Variants in TRPC4AP observed in about 807,000 individuals in gnomAD.
TRPC4AP encodes short transient receptor potential channel 4-associated protein.
TRPC4AP carries 45 observed loss-of-function variants against 99.0 expected under a neutral mutation model. That is an observed-to-expected ratio of 0.45 (90% CI 0.36 to 0.58). The LOEUF is 0.58. Among genes scored for constraint, TRPC4AP ranks in the 20% least tolerant of loss-of-function variants. The pLI is 0.00. For missense variants in TRPC4AP, 879 were observed against 985.3 expected, an observed-to-expected ratio of 0.89 and a Z score of 1.44; for synonymous variants, 408 against 385.8, an observed-to-expected ratio of 1.06 and a Z score of -0.67.
At chr20:35,091,535 C>A (rs2085066599) in intron 1 of TRPC4AP, among the ~76,000 whole-genome samples, 1 of 152,190 alleles carries the variant, frequency 6.6e-6, no homozygotes, top group Admixed American at 6.5e-5. Flanking sequence ...CTCCCACCAA[C>A]CACTTTATCA....
In TRPC4AP at chr20:35,010,180, C is replaced by T. The variant is rs1265942462; in HGVS notation, c.1511+7G>A. The T allele has an allele frequency of 6.2e-7, 1 of 1,613,570 alleles. No homozygotes were observed. Among genetic ancestry groups the T allele is most frequent in the East Asian group, 2.2e-5 (1 of 44,888 alleles). ...GGCTGAGGGAAAAGCTGCACCCCTG[C>T]ACTCACCTGTCGGTGTTGAGGACAG... On this transcript the variant is annotated splice_region_variant and intron_variant, in intron 12 of 18. Coordinates refer to ENST00000252015, the MANE Select transcript of TRPC4AP (RefSeq NM_015638.3).
intron 2 of TRPC4AP, among the ~76,000 whole-genome samples, chr20:35,074,595 A>T (rs1245304323): frequency 3.3e-5 from 5 of 152,210 alleles, no homozygotes; most frequent in Admixed American, 3.3e-4. Flanking sequence ...TGAGTTTCTT[A>T]ATCCTGAGTT....
rs200161670 is a variant in TRPC4AP at position 35,039,793 on chromosome 20, AG to A, written c.866-4486del. 5.0e-4 allele frequency among the ~76,000 whole-genome samples: 76 copies of A among 152,262 alleles called. 3 individuals carry two copies. In the East Asian group the frequency reaches 0.015, roughly 29 times the overall value. ...ACCAGCTGTTCTCTTCTAAATCGAC[AG>A]AAGAACAACTGGTAGTTCTGAGAAT... On this transcript the variant is annotated intron_variant, in intron 7 of 18. Transcript: ENST00000252015.
chr20:35,059,442 T>C (rs1056246379), intron 3 of TRPC4AP, among the ~76,000 whole-genome samples: 4 of 152,106 alleles, frequency 2.6e-5, no homozygotes. Context: ...GGAGGACTGA[T>C]TGAAGCCAGA....
chr20:35,050,158 C>T (rs1030016489), intron 5 of TRPC4AP, among the ~76,000 whole-genome samples, 164 bp from the exon 6 acceptor site: 21 of 152,186 alleles, frequency 1.4e-4, no homozygotes, highest in Non-Finnish European at 2.6e-4. Flanking sequence ...CTCGTTAACT[C>T]CCCAGCTATG....
intron 8 of TRPC4AP, among the ~76,000 whole-genome samples, chr20:35,024,632 T>C (rs2082975534): frequency 2.0e-5 from 3 of 151,882 alleles, no homozygotes; most frequent in African/African-American, 7.3e-5. Flanking sequence ...GAGACCAGCT[T>C]GGGCAACACA....
intron 2 of TRPC4AP, among the ~76,000 whole-genome samples, chr20:35,074,493 G>A (rs1033645865): frequency 7.9e-5 from 12 of 152,172 alleles, no homozygotes; most frequent in Non-Finnish European, 7.3e-5. Context: ...TGGTTTCAAA[G>A]AACACCTTTA....
At chr20:35,088,235 T>C (rs1253466319) in intron 1 of TRPC4AP, among the ~76,000 whole-genome samples, 1 of 152,196 alleles carries the variant, frequency 6.6e-6, no homozygotes, top group Non-Finnish European at 1.5e-5. Context: ...GAAGGTCAGG[T>C]CCTATGATAC....
chr20:35,005,877 C>G, intron 15 of TRPC4AP, 74 bp from the exon 16 acceptor site: 1 of 1,334,954 alleles, frequency 7.5e-7, no homozygotes, highest in Non-Finnish European at 1.1e-6. Context: ...GGGATAGTCA[C>G]TACAAGGGGC....
intron 3 of TRPC4AP, among the ~76,000 whole-genome samples, chr20:35,059,945 G>GA (rs1318417698): frequency 1.4e-5 from 2 of 147,562 alleles, no homozygotes; most frequent in African/African-American, 5.1e-5. Flanking sequence ...CGAAGAAGAA[G>GA]AAAAAACAGA....
At chr20:35,092,239 G>A (rs114448870) in intron 1 of TRPC4AP, among the ~76,000 whole-genome samples, 327 of 151,928 alleles carry the variant, frequency 2.2e-3, no homozygotes, top group African/African-American at 7.6e-3. Context: ...CTGCAATGAT[G>A]ACCCCCTCCC....
chr20:35,053,257 G>A (rs1029152902), intron 5 of TRPC4AP, among the ~76,000 whole-genome samples: 5 of 152,058 alleles, frequency 3.3e-5, no homozygotes, highest in African/African-American at 9.7e-5. Flanking sequence ...TATAAACTAA[G>A]TCACCCTTAC....
intron 1 of TRPC4AP, 141 bp downstream of exon 1, chr20:35,092,473 G>A (rs907225892): frequency 3.5e-5 from 35 of 1,014,044 alleles, no homozygotes; most frequent in Admixed American, 8.0e-5. Context: ...GAGAGCGTCC[G>A]GGCAGCTCAC....
intron 7 of TRPC4AP, among the ~76,000 whole-genome samples, chr20:35,042,798 A>G (rs80046900): frequency 0.013 from 2,055 of 152,366 alleles, 35 homozygotes; most frequent in African/African-American, 0.047. Flanking sequence ...GAACAGAAAT[A>G]GGTGGGCTAG....
intron 3 of TRPC4AP, among the ~76,000 whole-genome samples, chr20:35,060,081 CA>C (rs2083958114): frequency 6.6e-6 from 1 of 152,010 alleles, no homozygotes; most frequent in Non-Finnish European, 1.5e-5. Context: ...CATTGGTGAA[CA>C]ATACAAGACA....
At chr20:35,004,648 G>T in intron 16 of TRPC4AP, 78 bp from the exon 17 acceptor site, 1 of 1,227,324 alleles carries the variant, frequency 8.1e-7, no homozygotes, top group Non-Finnish European at 1.2e-6. Flanking sequence ...GTGGAGCCCC[G>T]CTTGGGTCCT....
Position 35,016,121 on chromosome 20 carries a change from CT to C in TRPC4AP, c.1236del (p.Glu413SerfsTer4). ...TTAAGTCCAGGGATCAGCTTGAACT[CT>C]GCAATCATTCTGTGAACCTGAATGG... is the stretch of plus-strand genomic sequence containing the variant. ...RQRNQVHRMI[A>X]EFKLIPGLNN... On this transcript the variant is annotated frameshift_variant, in exon 10 of 19. Transcript: ENST00000252015. LOFTEE classifies it high-confidence loss of function. 1.2e-6 allele frequency: 2 copies of C among 1,614,184 alleles called. No homozygotes were observed. Among genetic ancestry groups the C allele is most frequent in the Non-Finnish European group, 1.7e-6 (2 of 1,180,046 alleles).
chr20:35,019,537 C>T (rs775742514), intron 9 of TRPC4AP, among the ~76,000 whole-genome samples: 4 of 152,148 alleles, frequency 2.6e-5, no homozygotes, highest in African/African-American at 4.8e-5. Flanking sequence ...TGTGGGGACA[C>T]AGAGTCACCA....
Position 35,002,702 on chromosome 20 carries a change from C to G in TRPC4AP, c.*444G>C, listed in dbSNP as rs997367050. 5.7e-6 allele frequency: 1 copy of G among 174,686 alleles called. No homozygotes were observed. Among genetic ancestry groups the G allele is most frequent in the Admixed American group, 5.6e-5 (1 of 17,768 alleles). The allele number at this position is 174,686 out of a possible 1,614,324, so 10.8% of individuals were successfully genotyped here. A position where few individuals can be genotyped will look rare whatever the true frequency, so the allele number is the denominator to read the frequency against. On this transcript the variant is annotated 3_prime_UTR_variant, in exon 19 of 19. Transcript: ENST00000252015. The stretch of plus-strand genomic sequence containing the variant: ...GAAGGCAGCATTCTCTGGTACCCAC[C>G]ACCCCTGCCCAGGGCTCAGAAGCCT...
Sources: gnomAD v4.1 joint callset for allele counts (sites outside exome capture counted in the v4.1 genomes callset) on GRCh38, gnomAD v4.1.1 for gene constraint, MANE v1.5 for transcripts, NCBI Gene and HGNC (gene_info 2026-07-23, HGNC 2026-07-21) for gene names.